Variants in SULF1 observed in about 807,000 individuals in gnomAD.
The protein encoded by SULF1 is extracellular sulfatase Sulf-1.
Under a neutral mutation model 110.5 loss-of-function variants are expected in SULF1, and 46 were observed. The observed-to-expected ratio is 0.42, with a 90% confidence interval of 0.33 to 0.53. SULF1 has a LOEUF of 0.53. Ranked by LOEUF, SULF1 falls within the 20% of genes least tolerant of loss-of-function variation. SULF1 has a pLI of 0.12. For missense variants in SULF1, 941 were observed against 1,094.2 expected (o/e 0.86, Z 1.98); for synonymous variants, 371 against 387.1 (o/e 0.96, Z 0.49).
At chr8:69,498,731 G>A (rs1378785664) in intron 2 of SULF1, among the ~76,000 whole-genome samples, 4 of 152,042 alleles carry the variant, frequency 2.6e-5, no homozygotes, top group Admixed American at 2.6e-4. Context: ...GAGAAAAGTG[G>A]ACTTTTCCAG....
In SULF1 at chr8:69,550,574, G is replaced by A. The variant is rs562776025; in HGVS notation, c.-133-12965G>A. On this transcript the variant is annotated intron_variant, in intron 3 of 22. Coordinates refer to ENST00000402687, the MANE Select transcript of SULF1 (RefSeq NM_001128205.2). ...GGAGCTGGCGATAAAATGAGGGGGC[G>A]AGGGGAAAAGGGAGCAAAAAGAGAG... Among the ~76,000 whole-genome samples the A allele has an allele frequency of 8.5e-5, 13 of 152,194 alleles. 1 individual carries two copies. Among genetic ancestry groups the A allele is most frequent in the African/African-American group, 2.9e-4 (12 of 41,532 alleles).
At chr8:69,480,021 T>A (rs995093823) in intron 1 of SULF1, among the ~76,000 whole-genome samples, 1 of 152,006 alleles carries the variant, frequency 6.6e-6, no homozygotes, top group African/African-American at 2.4e-5. Flanking sequence ...TTTTTTTTTT[T>A]CAGATGTACT....
At chr8:69,598,802 T>A (rs1233012825) in intron 8 of SULF1, among the ~76,000 whole-genome samples, 2 of 152,218 alleles carry the variant, frequency 1.3e-5, no homozygotes, top group Admixed American at 6.5e-5. Context: ...AAACATGAGT[T>A]ACTTATACTT....
chr8:69,508,028 T>C (rs1188996705), intron 3 of SULF1, among the ~76,000 whole-genome samples: 3 of 152,188 alleles, frequency 2.0e-5, no homozygotes, highest in African/African-American at 7.2e-5. Flanking sequence ...GACACTAAAG[T>C]AAACCTCAGG....
At chr8:69,639,427 G>T (rs746410816) in intron 21 of SULF1, among the ~76,000 whole-genome samples, 1 of 152,196 alleles carries the variant, frequency 6.6e-6, no homozygotes, top group Non-Finnish European at 1.5e-5. Context: ...TCAGCCAGAT[G>T]TTCCTTCCCA....
intron 21 of SULF1, among the ~76,000 whole-genome samples, chr8:69,640,251 A>G (rs548362782): frequency 4.9e-4 from 74 of 152,338 alleles, no homozygotes; most frequent in African/African-American, 1.6e-3. Context: ...CATTAGAGGC[A>G]CTAGAAATAT....
At chr8:69,558,128 A>G (rs1209543052) in intron 3 of SULF1, among the ~76,000 whole-genome samples, 2 of 152,170 alleles carry the variant, frequency 1.3e-5, no homozygotes, top group Non-Finnish European at 2.9e-5. Context: ...GCCTTACTCT[A>G]AAGAAAAGAA....
intron 3 of SULF1, among the ~76,000 whole-genome samples, chr8:69,512,480 G>A (rs1811633013): frequency 6.6e-6 from 1 of 152,200 alleles, no homozygotes. Flanking sequence ...AGACAATGGA[G>A]AGACTCCACC....
chr8:69,491,092 T>A (rs915911734), upstream of SULF1, among the ~76,000 whole-genome samples: 1 of 152,214 alleles, frequency 6.6e-6, no homozygotes, highest in African/African-American at 2.4e-5. Context: ...ACAATCTGTA[T>A]GCGTGGAGAG....
chr8:69,617,401 A>T (rs865990767), intron 13 of SULF1, among the ~76,000 whole-genome samples: 2 of 53,350 alleles, frequency 3.7e-5, no homozygotes, highest in African/African-American at 2.9e-4. Context: ...ATATATATAT[A>T]TATATATATA....
chr8:69,539,317 C>T (rs1813698491), intron 3 of SULF1, among the ~76,000 whole-genome samples: 1 of 151,940 alleles, frequency 6.6e-6, no homozygotes, highest in Non-Finnish European at 1.5e-5. Flanking sequence ...TTTGAGAAAC[C>T]AGGGCTCTGT....
At chr8:69,481,829 A>G (rs1809532578) in intron 1 of SULF1, among the ~76,000 whole-genome samples, 1 of 152,174 alleles carries the variant, frequency 6.6e-6, no homozygotes, top group African/African-American at 2.4e-5. Flanking sequence ...ATTTTCAGCT[A>G]AGCCTATACA....
intron 2 of SULF1, among the ~76,000 whole-genome samples, chr8:69,501,471 A>T (rs1291407749): frequency 6.6e-6 from 1 of 152,242 alleles, no homozygotes; most frequent in Non-Finnish European, 1.5e-5. Flanking sequence ...ACTTTAAAAG[A>T]TTCCATGATT....
At chr8:69,471,093 C>G (rs1220960404) in intron 1 of SULF1, among the ~76,000 whole-genome samples, 1 of 152,276 alleles carries the variant, frequency 6.6e-6, no homozygotes, top group East Asian at 1.9e-4. Flanking sequence ...CCTCTCTGAC[C>G]GCTACCTCTT....
chr8:69,524,230 T>A (rs182074960), intron 3 of SULF1, among the ~76,000 whole-genome samples: 44 of 152,204 alleles, frequency 2.9e-4, no homozygotes, highest in African/African-American at 9.9e-4. Flanking sequence ...TTCAACGGTA[T>A]GTTCATCCAT....
chr8:69,615,306 G>A (rs1443326786), intron 13 of SULF1, among the ~76,000 whole-genome samples: 1 of 152,122 alleles, frequency 6.6e-6, no homozygotes, highest in East Asian at 1.9e-4. Context: ...AACTCTCTAA[G>A]ATCACCACTT....
At chr8:69,558,302 C>T (rs16936099) in intron 3 of SULF1, among the ~76,000 whole-genome samples, 29,797 of 152,106 alleles carry the variant, frequency 0.2, 3,009 homozygotes, top group Middle Eastern at 0.24. Flanking sequence ...ATAATCTAAG[C>T]GTGTTCTGGC....
chr8:69,591,555 CTCTG>C lies in SULF1; in HGVS notation c.734+2418_734+2421del, dbSNP rs561092254. ...CTCCAGCCTCGGCGACAGAGCAAGACTCTGTCTTAAAAAAAAAAACAAAGAAAAG... is the reference window on the plus strand; with the variant it reads ...CTCCAGCCTCGGCGACAGAGCAAGACTCTTAAAAAAAAAAACAAAGAAAAG... On this transcript the variant is annotated intron_variant, in intron 8 of 22. Coordinates refer to ENST00000402687, the MANE Select transcript of SULF1 (RefSeq NM_001128205.2). Among the ~76,000 whole-genome samples, 13 of 151,392 alleles carry C rather than the reference CTCTG, an allele frequency of 8.6e-5. No homozygotes were observed. The South Asian group carries it at 2.7e-3, about 32-fold the overall frequency.
intron 10 of SULF1, among the ~76,000 whole-genome samples, 192 bp from the exon 11 acceptor site, chr8:69,603,000 C>G (rs886407972): frequency 6.6e-6 from 1 of 152,144 alleles, no homozygotes; most frequent in Admixed American, 6.5e-5. Flanking sequence ...TGGCAAGAGT[C>G]AGTTAATCTT....
Sources: gnomAD v4.1 joint callset for allele counts (sites outside exome capture counted in the v4.1 genomes callset) on GRCh38, gnomAD v4.1.1 for gene constraint, MANE v1.5 for transcripts, NCBI Gene and HGNC (gene_info 2026-07-23, HGNC 2026-07-21) for gene names.